Variants in TFCP2L1 observed in about 807,000 individuals in gnomAD.
TFCP2L1 encodes the protein transcription factor CP2 like 1.
In TFCP2L1, 12 loss-of-function variants were observed where a neutral mutation model predicts 72.2. That is an observed-to-expected ratio of 0.17 (90% CI 0.11 to 0.27). The LOEUF is 0.27. Among genes scored for constraint, TFCP2L1 ranks in the 10% least tolerant of loss-of-function variants. TFCP2L1 has a pLI of 1.00. For synonymous variants in TFCP2L1, 260 were observed against 251.0 expected, an observed-to-expected ratio of 1.04 and a Z score of -0.34; for missense variants, 488 against 624.6, an observed-to-expected ratio of 0.78 and a Z score of 2.33.
At chr2:121,276,943 GA>G (rs34073428) in intron 2 of TFCP2L1, among the ~76,000 whole-genome samples, 282 of 134,844 alleles carry the variant, frequency 2.1e-3, no homozygotes, top group African/African-American at 5.8e-3. Flanking sequence ...GATCTCTACA[GA>G]AAAAAAAAAA....
chr2:121,247,752 C>T (rs1686518401), intron 5 of TFCP2L1, among the ~76,000 whole-genome samples: 1 of 152,068 alleles, frequency 6.6e-6, no homozygotes, highest in South Asian at 2.1e-4. Context: ...AACCACAATG[C>T]CACAGTCACA....
chr2:121,235,378 G>C, intron 10 of TFCP2L1, 67 bp from the exon 11 acceptor site: 2 of 1,402,532 alleles, frequency 1.4e-6, no homozygotes, highest in Non-Finnish European at 2.0e-6. Context: ...TCCCCAACCA[G>C]CTGCAGACCC....
intron 2 of TFCP2L1, among the ~76,000 whole-genome samples, chr2:121,258,887 T>C (rs763863309): frequency 3.3e-5 from 5 of 152,166 alleles, no homozygotes; most frequent in Non-Finnish European, 5.9e-5. Flanking sequence ...AATTTGATAA[T>C]GTACTTGTGG....
intron 4 of TFCP2L1, among the ~76,000 whole-genome samples, chr2:121,248,730 G>A (rs539296552): frequency 2.0e-5 from 3 of 152,196 alleles, no homozygotes; most frequent in South Asian, 2.1e-4. Flanking sequence ...CCATCCTTCC[G>A]CAAAGCCTTC....
intron 2 of TFCP2L1, among the ~76,000 whole-genome samples, chr2:121,280,470 C>G (rs1202667707): frequency 1.3e-5 from 2 of 152,140 alleles, no homozygotes; most frequent in African/African-American, 4.8e-5. Context: ...TAAATAATCA[C>G]CATGTGTCCA....
In TFCP2L1 at chr2:121,223,209, A is replaced by C. The variant is rs1441718091; in HGVS notation, c.*1132T>G. 2.0e-5 allele frequency: 3 copies of C among 152,302 alleles called. No homozygotes were observed. Among genetic ancestry groups the C allele is most frequent in the Non-Finnish European group, 4.4e-5 (3 of 68,034 alleles). 9.4% of individuals were successfully genotyped at this position (152,302 alleles called of 1,614,324 possible). A position where few individuals can be genotyped will look rare whatever the true frequency, so the allele number is the denominator to read the frequency against. On this transcript the variant is annotated 3_prime_UTR_variant, in exon 15 of 15. Coordinates refer to ENST00000263707, the MANE Select transcript of TFCP2L1 (RefSeq NM_014553.3). Reference sequence around the variant, plus strand: ...GCCCTGGGCCAGTAGAGATCACTGGATCCCAGGAACCAGAGGCAAGACAAA... The same window carrying C: ...GCCCTGGGCCAGTAGAGATCACTGGCTCCCAGGAACCAGAGGCAAGACAAA...
At chr2:121,225,877 G>A (rs989481516) in intron 13 of TFCP2L1, among the ~76,000 whole-genome samples, 1 of 149,818 alleles carries the variant, frequency 6.7e-6, no homozygotes, top group Non-Finnish European at 1.5e-5. Context: ...AAGGGAACAC[G>A]GTAAACACCA....
intron 14 of TFCP2L1, among the ~76,000 whole-genome samples, chr2:121,225,354 G>A (rs1385846074): frequency 6.6e-6 from 1 of 152,156 alleles, no homozygotes; most frequent in African/African-American, 2.4e-5. Flanking sequence ...CAAGTTGCCT[G>A]GCCCAGGATT....
Position 121,237,559 on chromosome 2 carries a change from G to T in TFCP2L1, c.1003+64C>A, listed in dbSNP as rs528648423. The T allele has an allele frequency of 3.2e-6, 5 of 1,563,190 alleles. No homozygotes were observed. In the Admixed American group the frequency reaches 8.4e-5, roughly 26 times the overall value. The stretch of plus-strand genomic sequence containing the variant: ...CAGTGTTGACAGCAAGGCCTGGAAG[G>T]TGGCCAGCCTTGAAGTGTCTCCAAG... On this transcript the variant is annotated intron_variant, in intron 10 of 14. Coordinates refer to ENST00000263707, the MANE Select transcript of TFCP2L1 (RefSeq NM_014553.3).
intron 14 of TFCP2L1, 112 bp from the exon 15 acceptor site, chr2:121,224,499 G>A (rs1685984213): frequency 1.9e-6 from 2 of 1,039,828 alleles, no homozygotes; most frequent in Non-Finnish European, 2.9e-6. Context: ...CACCAAAATA[G>A]GGCTGCATAC....
chr2:121,284,988 C>T, intron 1 of TFCP2L1, 60 bp downstream of exon 1: 2 of 1,407,622 alleles, frequency 1.4e-6, no homozygotes, highest in Non-Finnish European at 1.9e-6. Context: ...CCTGGACGTC[C>T]AACGGCGCCC....
intron 2 of TFCP2L1, among the ~76,000 whole-genome samples, chr2:121,251,271 AAAG>A (rs1686607597): frequency 6.6e-6 from 1 of 152,044 alleles, no homozygotes; most frequent in Non-Finnish European, 1.5e-5. Context: ...AAAAAAAAAA[AAAG>A]TACATTAAAG....
intron 13 of TFCP2L1, among the ~76,000 whole-genome samples, chr2:121,231,208 G>A (rs1686136949): frequency 6.6e-6 from 1 of 152,228 alleles, no homozygotes; most frequent in African/African-American, 2.4e-5. Flanking sequence ...GGTGGAAGGG[G>A]TCCAGGATAG....
chr2:121,263,148 T>C (rs974138309), intron 2 of TFCP2L1, among the ~76,000 whole-genome samples: 8 of 152,184 alleles, frequency 5.3e-5, no homozygotes, highest in African/African-American at 1.9e-4. Flanking sequence ...TTGATCAGGC[T>C]GGTCTCGAAC....
chr2:121,240,675 C>T (rs771473789), intron 7 of TFCP2L1: 70 of 985,218 alleles, frequency 7.1e-5, no homozygotes, highest in Non-Finnish European at 8.2e-5. Context: ...AGCAGAGGAG[C>T]AGAGAGGTTG....
At chr2:121,265,466 T>C (rs1458723897) in intron 2 of TFCP2L1, among the ~76,000 whole-genome samples, 1 of 152,156 alleles carries the variant, frequency 6.6e-6, no homozygotes. Flanking sequence ...GTAGGGTATG[T>C]GAATCATATC....
intron 6 of TFCP2L1, among the ~76,000 whole-genome samples, chr2:121,244,651 C>T (rs530163905): frequency 2.0e-5 from 3 of 152,252 alleles, no homozygotes; most frequent in African/African-American, 7.2e-5. Flanking sequence ...GAAGCTCCCA[C>T]CCATGGGGGT....
In TFCP2L1 at chr2:121,285,126, G is replaced by A. The variant is rs1687342231; in HGVS notation, c.-17C>T. 6.7e-7 allele frequency: 1 copy of A among 1,486,908 alleles called. No homozygotes were observed. 92.1% of individuals were successfully genotyped at this position (1,486,908 alleles called of 1,614,324 possible). On this transcript the variant is annotated 5_prime_UTR_variant, in exon 1 of 15. Transcript: ENST00000263707. ...GAAGAGCATGGCTGGAACTCCCAGC[G>A]CGCCGACCGGGGCGCGGCAGCAAGC...
At chr2:121,236,029 G>A (rs1273387320) in intron 10 of TFCP2L1, among the ~76,000 whole-genome samples, 3 of 152,098 alleles carry the variant, frequency 2.0e-5, no homozygotes, top group Non-Finnish European at 4.4e-5. Flanking sequence ...CACTCTTCCT[G>A]GTCTGGCTTC....
Sources: gnomAD v4.1 joint callset for allele counts (sites outside exome capture counted in the v4.1 genomes callset) on GRCh38, gnomAD v4.1.1 for gene constraint, MANE v1.5 for transcripts, NCBI Gene and HGNC (gene_info 2026-07-23, HGNC 2026-07-21) for gene names.